The following DNAI7 variants were observed in gnomAD, a reference collection of about 807,000 sequenced individuals.
DNAI7 encodes cancer susceptibility 1.
DNAI7 carries 78 observed loss-of-function variants against 86.6 expected under a neutral mutation model. The observed-to-expected ratio is 0.90, with a 90% CI of 0.75 to 1.09. The LOEUF is 1.09. DNAI7 is among the 50% of genes least tolerant of loss of function. The pLI is 0.00. For synonymous variants in DNAI7, 274 were observed against 273.0 expected (o/e 1.00, Z -0.04); for missense variants, 753 against 810.2 (o/e 0.93, Z 0.86).
At chr12:25,179,686 G>A (rs1025689665) in intron 2 of DNAI7, among the ~76,000 whole-genome samples, 1 of 151,464 alleles carries the variant, frequency 6.6e-6, no homozygotes, top group African/African-American at 2.4e-5. Flanking sequence ...AAAACCATAT[G>A]ATCATCCCAA....
At chr12:25,168,947 C>T (rs1447402708) in intron 2 of DNAI7, among the ~76,000 whole-genome samples, 1 of 152,148 alleles carries the variant, frequency 6.6e-6, no homozygotes, top group Non-Finnish European at 1.5e-5. Flanking sequence ...TCAGCTTAAT[C>T]TCTCCCACTC....
chr12:25,126,510 A>G (rs936665732), intron 9 of DNAI7, among the ~76,000 whole-genome samples: 1 of 152,186 alleles, frequency 6.6e-6, no homozygotes, highest in African/African-American at 2.4e-5. Flanking sequence ...AGGAATTAAA[A>G]GCAATCTAAC....
intron 4 of DNAI7, among the ~76,000 whole-genome samples, chr12:25,156,183 G>T (rs1021286717): frequency 6.6e-6 from 1 of 152,080 alleles, no homozygotes; most frequent in Non-Finnish European, 1.5e-5. Flanking sequence ...CTAAGTACAT[G>T]TCTTTTTAAT....
At chr12:25,191,177 C>G (rs1463624745) in intron 1 of DNAI7, among the ~76,000 whole-genome samples, 2 of 152,138 alleles carry the variant, frequency 1.3e-5, no homozygotes, top group South Asian at 4.1e-4. Context: ...TTCGCGGAGG[C>G]CAAGGCGGGA....
At chr12:25,165,431 A>T (rs1042431499) in intron 2 of DNAI7, among the ~76,000 whole-genome samples, 6 of 152,236 alleles carry the variant, frequency 3.9e-5, no homozygotes, top group Admixed American at 1.3e-4. Flanking sequence ...CAAGTGCCAG[A>T]AATCTGGCCA....
chr12:25,174,498 C>CATATATATGGGATATATATATG (rs1948641001), intron 2 of DNAI7, among the ~76,000 whole-genome samples: 1 of 35,062 alleles, frequency 2.9e-5, no homozygotes, highest in African/African-American at 8.6e-5. Context: ...TCATATATCC[C>CATATATATGGGATATATATATG]ATATATATGG....
intron 9 of DNAI7, among the ~76,000 whole-genome samples, chr12:25,132,278 G>A (rs1162419000): frequency 1.3e-5 from 2 of 151,942 alleles, no homozygotes; most frequent in East Asian, 1.9e-4. Flanking sequence ...TCCTTCTCAC[G>A]TTCTTTCCCC....
At chr12:25,193,723 C>T (rs1950748015) in intron 1 of DNAI7, among the ~76,000 whole-genome samples, 1 of 152,202 alleles carries the variant, frequency 6.6e-6, no homozygotes. Context: ...TGGAAGGTAA[C>T]AAGTAAGTGC....
chr12:25,176,483 T>A (rs994329476), intron 2 of DNAI7, among the ~76,000 whole-genome samples: 12 of 152,074 alleles, frequency 7.9e-5, no homozygotes, highest in African/African-American at 2.9e-4. Context: ...GGCTTTTTCT[T>A]TTTTCTGGTT....
At chr12:25,165,869 C>T (rs1947402955) in intron 2 of DNAI7, among the ~76,000 whole-genome samples, 1 of 152,168 alleles carries the variant, frequency 6.6e-6, no homozygotes, top group Admixed American at 6.5e-5. Flanking sequence ...TTAAGCACTC[C>T]TTTTTAGTTA....
At chr12:25,168,972 G>T (rs1947813978) in intron 2 of DNAI7, among the ~76,000 whole-genome samples, 1 of 151,930 alleles carries the variant, frequency 6.6e-6, no homozygotes, top group African/African-American at 2.4e-5. Context: ...TTCCCATGCT[G>T]CCCCTAATCC....
chr12:25,186,226 G>A (rs1213979964), intron 2 of DNAI7, among the ~76,000 whole-genome samples: 4 of 151,968 alleles, frequency 2.6e-5, no homozygotes, highest in African/African-American at 4.8e-5. Flanking sequence ...ATAGTCTTAC[G>A]CAATTTTCTA....
At chr12:25,169,816 C>A (rs1210527775) in intron 2 of DNAI7, among the ~76,000 whole-genome samples, 2 of 147,950 alleles carry the variant, frequency 1.4e-5, no homozygotes, top group Admixed American at 6.7e-5. Flanking sequence ...CCACTGTACT[C>A]CAGCCTGGGT....
At chr12:25,174,386 TGG>T (rs1170244578) in intron 2 of DNAI7, among the ~76,000 whole-genome samples, 28 of 322 alleles carry the variant, frequency 0.087, 8 homozygotes, top group African/African-American at 0.099. Flanking sequence ...ATCATATATA[TGG>T]GATATATCAT....
intron 9 of DNAI7, among the ~76,000 whole-genome samples, chr12:25,140,584 C>T (rs888107238): frequency 1.3e-5 from 2 of 152,128 alleles, no homozygotes; most frequent in Admixed American, 1.3e-4. Flanking sequence ...AATGGAAATA[C>T]ATCCCATGCT....
In DNAI7 at chr12:25,158,462, GT is replaced by G; in HGVS notation, c.198+9del. 6.3e-7 allele frequency: 1 copy of G among 1,596,488 alleles called. No homozygotes were observed. The highest frequency in any genetic ancestry group is 8.6e-7 in the Non-Finnish European group (1 of 1,165,962). ...AGTATTCATTAAGAACATTATTAAT[GT>G]TTATTTACTTTTGCTTCAAGTCGAT... is the stretch of plus-strand genomic sequence containing the variant. On this transcript the variant is annotated intron_variant, in intron 4 of 15. Coordinates refer to ENST00000395987, the MANE Select transcript of DNAI7 (RefSeq NM_018272.5).
At chr12:25,119,028 G>T in intron 12 of DNAI7, 117 bp downstream of exon 12, 1 of 794,622 alleles carries the variant, frequency 1.3e-6, no homozygotes, top group Non-Finnish European at 1.9e-6. Flanking sequence ...CAAGACCCTT[G>T]AATTGGCATA....
chr12:25,174,615 C>G lies in DNAI7; in HGVS notation c.22-13418G>C, dbSNP rs867121288. Among the ~76,000 whole-genome samples the G allele has an allele frequency of 3.1e-3, 310 of 98,630 alleles. 43 individuals are homozygous for G. In the East Asian group the frequency reaches 0.033, roughly 11 times the overall value. The allele number at this position is 98,630 out of a possible 152,430, so 64.7% of individuals were successfully genotyped here. A position where few individuals can be genotyped will look rare whatever the true frequency, so the allele number is the denominator to read the frequency against. On this transcript the variant is annotated intron_variant, in intron 2 of 15. Coordinates refer to ENST00000395987, the MANE Select transcript of DNAI7 (RefSeq NM_018272.5). ...TGGGATATATATATGATATATATAT[C>G]ATATATATGGGATATATATCATATA...
intron 6 of DNAI7, among the ~76,000 whole-genome samples, chr12:25,152,591 G>A (rs1013711309): frequency 2.6e-5 from 4 of 152,170 alleles, no homozygotes; most frequent in Non-Finnish European, 5.9e-5. Flanking sequence ...CAGTAAAGGC[G>A]AGTAAATGTT....
Sources: allele counts gnomAD v4.1 joint callset (sites outside exome capture counted in the v4.1 genomes callset), GRCh38; gene constraint gnomAD v4.1.1; transcripts MANE v1.5; gene names NCBI Gene and HGNC (gene_info 2026-07-23, HGNC 2026-07-21).